The following KLRG1 variants were observed in gnomAD, a reference collection of about 807,000 sequenced individuals.
KLRG1 encodes the protein killer cell lectin-like receptor subfamily G member 1.
KLRG1 carries 16 observed loss-of-function variants against 21.8 expected under a neutral mutation model. That is an observed-to-expected ratio of 0.73 (90% CI 0.50 to 1.11). The LOEUF (loss-of-function observed/expected upper bound fraction) is 1.11, where lower values mean the gene tolerates loss of function less well. KLRG1 is among the 50% of genes most tolerant of loss of function. The pLI is 0.00. For missense variants in KLRG1, 173 were observed against 218.3 expected (o/e 0.79, Z 1.31); for synonymous variants, 69 against 75.9 (o/e 0.91, Z 0.47).
the KLRG1 span, among the ~76,000 whole-genome samples, chr12:9,026,999 G>T: frequency 6.6e-6 from 1 of 151,424 alleles, no homozygotes; most frequent in African/African-American, 2.4e-5. Context: ...GGGACCACAG[G>T]TGTGCATCAC....
At chr12:8,979,954 G>T (rs796304675) in intron 1 of KLRG1, among the ~76,000 whole-genome samples, 2 of 152,264 alleles carry the variant, frequency 1.3e-5, no homozygotes, top group African/African-American at 2.4e-5. Flanking sequence ...AGGCTGGAGT[G>T]CAGTAGTGCG....
At chr12:9,054,215 T>C in the KLRG1 span, among the ~76,000 whole-genome samples, 1 of 152,234 alleles carries the variant, frequency 6.6e-6, no homozygotes, top group African/African-American at 2.4e-5. Flanking sequence ...TTTTTATTTA[T>C]TTATCATGTT....
chr12:9,203,896 A>G, the KLRG1 span: 1 of 1,614,060 alleles, frequency 6.2e-7, no homozygotes, highest in Non-Finnish European at 8.5e-7. Context: ...AGAAGGACAC[A>G]GCCCTTCTTA....
chr12:9,177,229 C>T, the KLRG1 span, among the ~76,000 whole-genome samples: 11 of 152,322 alleles, frequency 7.2e-5, no homozygotes, highest in Middle Eastern at 3.4e-3. Flanking sequence ...ACTCTTGGAA[C>T]GCATTAGCTC....
chr12:9,125,561 A>C, the KLRG1 span, among the ~76,000 whole-genome samples: 1 of 152,164 alleles, frequency 6.6e-6, no homozygotes, highest in Non-Finnish European at 1.5e-5. Context: ...ATTGACGAAA[A>C]ATTATGTAGA....
the KLRG1 span, chr12:9,156,005 T>A: frequency 5.9e-6 from 1 of 169,190 alleles, no homozygotes; most frequent in Non-Finnish European, 1.3e-5. Flanking sequence ...GTAGTTTTTA[T>A]TGCTTCTTGA....
chr12:9,077,902 G>C, the KLRG1 span: 1 of 1,612,778 alleles, frequency 6.2e-7, no homozygotes, highest in Non-Finnish European at 8.5e-7. Flanking sequence ...TGTCAAAATG[G>C]TTTTATAACC....
intron 3 of KLRG1, among the ~76,000 whole-genome samples, chr12:9,002,382 GAA>G (rs375601158): frequency 8.9e-4 from 136 of 152,214 alleles, no homozygotes; most frequent in African/African-American, 3.2e-3. Context: ...AGCAAAAAAG[GAA>G]AAGAAAAGAA....
the KLRG1 span, among the ~76,000 whole-genome samples, chr12:9,023,474 A>G: frequency 6.6e-6 from 1 of 152,190 alleles, no homozygotes; most frequent in Admixed American, 6.5e-5. Flanking sequence ...CCAAGGCCAC[A>G]AAGGTTGCCT....
At chr12:9,192,584 C>G in the KLRG1 span, 1 of 1,614,226 alleles carries the variant, frequency 6.2e-7, no homozygotes, top group East Asian at 2.2e-5. Flanking sequence ...CCGTGATAGT[C>G]TCCGTGTGGC....
At chr12:8,962,175 T>C (rs1946392860) in intron 1 of KLRG1, among the ~76,000 whole-genome samples, 1 of 152,104 alleles carries the variant, frequency 6.6e-6, no homozygotes, top group East Asian at 1.9e-4. Flanking sequence ...ACAAAGCTGA[T>C]AGAATTATCA....
chr12:9,100,155 C>T, the KLRG1 span, among the ~76,000 whole-genome samples: 1 of 152,152 alleles, frequency 6.6e-6, no homozygotes. Context: ...GAGTCCGCTT[C>T]AGTCGGTAGA....
the KLRG1 span, chr12:9,104,347 G>T: frequency 1.9e-6 from 3 of 1,607,170 alleles, no homozygotes; most frequent in Non-Finnish European, 2.6e-6. Flanking sequence ...CATTTCCTCT[G>T]ATGAATATGA....
chr12:9,149,171 G>A, the KLRG1 span, among the ~76,000 whole-genome samples: 2 of 152,214 alleles, frequency 1.3e-5, no homozygotes, highest in African/African-American at 4.8e-5. Context: ...CACAAAGGCA[G>A]CCATAGCCAA....
At chr12:9,156,928 T>A in the KLRG1 span, among the ~76,000 whole-genome samples, 532 of 152,196 alleles carry the variant, frequency 3.5e-3, 3 homozygotes, top group Admixed American at 7.4e-3. Flanking sequence ...TTATTTATTT[T>A]TTAAATGTTA....
chr12:9,100,490 G>GCTGGT, the KLRG1 span, among the ~76,000 whole-genome samples: 1 of 151,198 alleles, frequency 6.6e-6, no homozygotes, highest in African/African-American at 2.4e-5. Flanking sequence ...TGTTGACCAG[G>GCTGGT]CTGGTCTCAA....
At chr12:9,189,196 T>C in the KLRG1 span, among the ~76,000 whole-genome samples, 1 of 152,062 alleles carries the variant, frequency 6.6e-6, no homozygotes, top group East Asian at 1.9e-4. Context: ...GCCAAGGCAA[T>C]CCTAAGCAAA....
At chr12:9,055,440 G>A in the KLRG1 span, 1 of 152,168 alleles carries the variant, frequency 6.6e-6, no homozygotes, top group African/African-American at 2.4e-5. Context: ...CTGCAGTAGT[G>A]AGGCTGTTGT....
chr12:9,169,053 AT>A, the KLRG1 span: 4 of 1,023,380 alleles, frequency 3.9e-6, no homozygotes, highest in Non-Finnish European at 6.0e-6. Flanking sequence ...AGACTTCTCT[AT>A]GTAATTCCAG....
Sources: gnomAD v4.1 joint callset for allele counts (sites outside exome capture counted in the v4.1 genomes callset) on GRCh38, gnomAD v4.1.1 for gene constraint, MANE v1.5 for transcripts, NCBI Gene and HGNC (gene_info 2026-07-23, HGNC 2026-07-21) for gene names.